METTL15: variants seen among roughly 807,000 people sequenced by gnomAD.
METTL15 encodes 12S rRNA N(4)-cytidine methyltransferase METTL15.
A neutral mutation model predicts 38.3 loss-of-function variants in METTL15; 34 were observed. That is an observed-to-expected ratio of 0.89 (90% CI 0.68 to 1.18). The LOEUF (loss-of-function observed/expected upper bound fraction) is 1.18, where lower values mean the gene tolerates loss of function less well. Ranked by LOEUF, METTL15 falls within the 50% of genes most tolerant of loss-of-function variation. The pLI, the probability that METTL15 is intolerant of heterozygous loss-of-function variation, is 0.00. For missense variants in METTL15, 438 were observed against 498.4 expected (o/e 0.88, Z 1.15); for synonymous variants, 162 against 170.9 (o/e 0.95, Z 0.41).
intron 4 of METTL15, among the ~76,000 whole-genome samples, chr11:28,280,412 C>T (rs370429638): frequency 2.0e-5 from 3 of 152,000 alleles, no homozygotes; most frequent in African/African-American, 7.2e-5. Context: ...TTTCTTTTGG[C>T]TGTTCTTAGT....
intron 3 of METTL15, among the ~76,000 whole-genome samples, chr11:28,173,302 T>A (rs1388235374): frequency 6.6e-6 from 1 of 152,006 alleles, no homozygotes; most frequent in East Asian, 1.9e-4. Context: ...GAAGCAATCA[T>A]GAAGGGGAAG....
intron 6 of METTL15, among the ~76,000 whole-genome samples, chr11:28,475,158 C>T (rs2133467580): frequency 6.6e-6 from 1 of 152,284 alleles, no homozygotes; most frequent in South Asian, 2.1e-4. Context: ...GGTAAACCCA[C>T]TAGAAAGAAG....
intron 5 of METTL15, among the ~76,000 whole-genome samples, chr11:28,415,791 G>A (rs1850767479): frequency 6.6e-6 from 1 of 152,178 alleles, no homozygotes; most frequent in South Asian, 2.1e-4. Flanking sequence ...CTAGGGAGCT[G>A]TAGTAGCCAG....
chr11:28,440,056 G>A (rs1265010813), intron 6 of METTL15, among the ~76,000 whole-genome samples: 2 of 152,198 alleles, frequency 1.3e-5, no homozygotes, highest in South Asian at 2.1e-4. Flanking sequence ...GACCCTGACT[G>A]TGGCAATTTG....
At position 28,452,998 on chromosome 11, in the gene METTL15, T is replaced by C. The variant is rs548593368; in HGVS notation, c.*424+28634T>C. On this transcript the variant is annotated intron_variant and NMD_transcript_variant, in intron 6 of 7. Coordinates refer to the METTL15 transcript ENST00000532947. Reference sequence around the variant, plus strand: ...ATTGTCATAGATTCTCTAATCTTGCTCCTTAGAAGCCATTTTCCATCTGGC... The same window carrying C: ...ATTGTCATAGATTCTCTAATCTTGCCCCTTAGAAGCCATTTTCCATCTGGC... 1.6e-3 allele frequency among the ~76,000 whole-genome samples: 250 copies of C among 152,338 alleles called. 1 individual carries two copies. Among genetic ancestry groups the C allele is most frequent in the South Asian group, 9.5e-3 (46 of 4,828 alleles).
downstream of METTL15, among the ~76,000 whole-genome samples, chr11:28,338,333 A>G (rs1849920139): frequency 6.6e-6 from 1 of 152,128 alleles, no homozygotes; most frequent in African/African-American, 2.4e-5. Context: ...ATTCTAGGGT[A>G]TTCTTTATAG....
chr11:28,383,213 C>G (rs781007373), intron 5 of METTL15, among the ~76,000 whole-genome samples: 4 of 151,866 alleles, frequency 2.6e-5, no homozygotes, highest in African/African-American at 9.7e-5. Context: ...TGAGAACATG[C>G]GATATTTTGT....
At chr11:28,159,981 G>A (rs1171548646) in intron 3 of METTL15, among the ~76,000 whole-genome samples, 3 of 152,052 alleles carry the variant, frequency 2.0e-5, no homozygotes, top group Non-Finnish European at 4.4e-5. Context: ...AAGGAGATTA[G>A]CATTTGAGTC....
intron 5 of METTL15, among the ~76,000 whole-genome samples, chr11:28,372,222 A>T (rs891468313): frequency 6.6e-6 from 1 of 152,000 alleles, no homozygotes; most frequent in Non-Finnish European, 1.5e-5. Context: ...TCCAGCACCT[A>T]TTGAAATTAT....
rs960975314 is a variant in METTL15, at chr11:28,122,263, T to G, written c.270+8659T>G. 17 of 969,374 alleles carry G rather than the reference T, an allele frequency of 1.8e-5. No homozygotes were observed. In the African/African-American group the frequency reaches 3.0e-4, roughly 17 times the overall value. The allele number at this position is 969,374 out of a possible 1,614,324, so 60.0% of individuals were successfully genotyped here. On this transcript the variant is annotated intron_variant, in intron 3 of 6. Transcript: ENST00000407364. ...GCTTTGTTCATATCATGTTATAAAATGTGAAAAACTGATGCAGAAATTAGT... is the reference window on the plus strand; with the variant it reads ...GCTTTGTTCATATCATGTTATAAAAGGTGAAAAACTGATGCAGAAATTAGT...
chr11:28,461,461 T>C (rs1851214076), intron 6 of METTL15, among the ~76,000 whole-genome samples: 1 of 152,098 alleles, frequency 6.6e-6, no homozygotes, highest in African/African-American at 2.4e-5. Context: ...GATTTCATGT[T>C]TTTTTCTTCT....
rs199560362 is a variant in METTL15, at chr11:28,127,754, TAATC to T, written c.270+14151_270+14154del. Among the ~76,000 whole-genome samples the T allele has an allele frequency of 4.5e-4, 69 of 152,196 alleles. No homozygotes were observed. The East Asian group carries it at 0.013, about 28-fold the overall frequency. ...AACCAATTAATACTGTTATAACTAT[TAATC>T]TATATAAAATTATATAAATTTTTCT... On this transcript the variant is annotated intron_variant, in intron 3 of 6. Transcript: ENST00000407364.
intron 5 of METTL15, among the ~76,000 whole-genome samples, chr11:28,374,586 A>G (rs1850284304): frequency 1.5e-5 from 2 of 131,238 alleles, no homozygotes; most frequent in African/African-American, 5.2e-5. Context: ...GGGGTTTTCT[A>G]GATATACAAT....
At chr11:28,246,626 T>C (rs1481853176) in intron 4 of METTL15, among the ~76,000 whole-genome samples, 2 of 152,170 alleles carry the variant, frequency 1.3e-5, no homozygotes, top group Admixed American at 6.6e-5. Context: ...ATCAATAGAA[T>C]TGCAGTTCTA....
intron 3 of METTL15, among the ~76,000 whole-genome samples, chr11:28,184,174 G>C (rs116169184): frequency 6.6e-6 from 1 of 151,586 alleles, no homozygotes; most frequent in Non-Finnish European, 1.5e-5. Context: ...CTTGCCTAGC[G>C]GTCTATCTGT....
intron 6 of METTL15, among the ~76,000 whole-genome samples, chr11:28,476,112 T>C (rs1040163466): frequency 6.6e-6 from 1 of 152,198 alleles, no homozygotes; most frequent in Non-Finnish European, 1.5e-5. Context: ...ATAATTTATA[T>C]TTGACTCTCT....
At chr11:28,151,258 A>C (rs1158559204) in intron 3 of METTL15, among the ~76,000 whole-genome samples, 2 of 151,546 alleles carry the variant, frequency 1.3e-5, no homozygotes, top group Non-Finnish European at 3.0e-5. Flanking sequence ...CTTATTATTC[A>C]CCCCTCTCCC....
Position 28,374,221 on chromosome 11 carries a change from T to A in METTL15, c.*358+12185T>A, listed in dbSNP as rs531979969. Among the ~76,000 whole-genome samples the A allele has an allele frequency of 1.2e-4, 18 of 152,212 alleles. No homozygotes were observed. In the South Asian group the frequency reaches 3.5e-3, roughly 30 times the overall value. On this transcript the variant is annotated intron_variant and NMD_transcript_variant, in intron 5 of 7. Coordinates refer to the METTL15 transcript ENST00000532947. ...GTGAAGAAAGTCATTGGTAGCTTGA[T>A]GGGGATGGCATTGAATCTGTAAATT...
intron 6 of METTL15, among the ~76,000 whole-genome samples, chr11:28,497,648 G>A (rs2133486641): frequency 6.6e-6 from 1 of 152,300 alleles, no homozygotes; most frequent in Admixed American, 6.5e-5. Flanking sequence ...TGCAGGCTTT[G>A]TGCCTAATGA....
Sources: allele counts gnomAD v4.1 joint callset (sites outside exome capture counted in the v4.1 genomes callset), GRCh38; gene constraint gnomAD v4.1.1; transcripts MANE v1.5; gene names NCBI Gene and HGNC (gene_info 2026-07-23, HGNC 2026-07-21).